SAMD12: variants seen among roughly 807,000 people sequenced by gnomAD.
The protein encoded by SAMD12 is sterile alpha motif domain-containing protein 12.
Under a neutral mutation model 15.0 loss-of-function variants are expected in SAMD12, and 9 were observed. The observed-to-expected ratio is 0.60, with a 90% CI of 0.36 to 1.05. The LOEUF is 1.05. Ranked by LOEUF, SAMD12 falls within the 50% of genes least tolerant of loss-of-function variation. The pLI is 0.01. For missense variants in SAMD12, 230 were observed against 234.2 expected (o/e 0.98, Z 0.12); for synonymous variants, 86 against 90.1 (o/e 0.96, Z 0.25).
At chr8:118,453,416 A>G (rs1823142012) in intron 2 of SAMD12, among the ~76,000 whole-genome samples, 4 of 152,340 alleles carry the variant, frequency 2.6e-5, no homozygotes, top group Middle Eastern at 3.4e-3. Context: ...CAGCCTTAAA[A>G]GTAAATAGAC....
intron 1 of SAMD12, among the ~76,000 whole-genome samples, chr8:118,604,702 A>T (rs567172306): frequency 2.6e-5 from 4 of 152,140 alleles, no homozygotes. Context: ...CGGGCGGATG[A>T]GGAGGTCAGG....
chr8:118,613,167 T>G (rs1249206177), intron 1 of SAMD12, among the ~76,000 whole-genome samples: 1 of 152,162 alleles, frequency 6.6e-6, no homozygotes, highest in South Asian at 2.1e-4. Context: ...CTTAAAGAAC[T>G]ACAATAGCTG....
intron 1 of SAMD12, among the ~76,000 whole-genome samples, chr8:118,610,492 AG>A (rs1828082220): frequency 6.6e-6 from 1 of 152,344 alleles, no homozygotes; most frequent in Admixed American, 6.5e-5. Flanking sequence ...CAGGAAAATT[AG>A]TTATCTTCTC....
intron 4 of SAMD12, among the ~76,000 whole-genome samples, chr8:118,353,014 A>G (rs1279501212): frequency 6.6e-6 from 1 of 152,138 alleles, no homozygotes; most frequent in African/African-American, 2.4e-5. Flanking sequence ...GAAAATAAAA[A>G]TCACGTTAAA....
At chr8:118,417,041 T>A (rs1465978022) in intron 3 of SAMD12, among the ~76,000 whole-genome samples, 1 of 152,066 alleles carries the variant, frequency 6.6e-6, no homozygotes, top group Non-Finnish European at 1.5e-5. Context: ...AGTGAACACA[T>A]GTGTTTGTGC....
At chr8:118,136,323 C>T in the SAMD12 span, among the ~76,000 whole-genome samples, 1 of 152,234 alleles carries the variant, frequency 6.6e-6, no homozygotes, top group South Asian at 2.1e-4. Flanking sequence ...AGCCACCATG[C>T]CTGGCCTATC....
chr8:118,413,568 A>G (rs182701633), intron 3 of SAMD12, among the ~76,000 whole-genome samples: 1 of 152,258 alleles, frequency 6.6e-6, no homozygotes, highest in East Asian at 1.9e-4. Context: ...AATTCATTTC[A>G]TATATAATTC....
chr8:118,525,407 C>T (rs550907800), intron 2 of SAMD12, among the ~76,000 whole-genome samples: 49 of 152,264 alleles, frequency 3.2e-4, no homozygotes, highest in African/African-American at 1.2e-3. Context: ...ACATTTACAT[C>T]TTTCTTCATT....
chr8:118,534,416 G>A (rs938648790), intron 2 of SAMD12, among the ~76,000 whole-genome samples: 1 of 151,960 alleles, frequency 6.6e-6, no homozygotes. Flanking sequence ...TGACAATTAT[G>A]TGTCTTGGAG....
downstream of SAMD12, among the ~76,000 whole-genome samples, chr8:118,184,460 T>C (rs1370080164): frequency 6.6e-6 from 1 of 151,452 alleles, no homozygotes; most frequent in Non-Finnish European, 1.5e-5. Context: ...ATTTAAGAGT[T>C]AGGCAGAAGA....
intron 4 of SAMD12, among the ~76,000 whole-genome samples, chr8:118,244,003 T>C (rs1812629854): frequency 6.6e-6 from 1 of 152,132 alleles, no homozygotes; most frequent in South Asian, 2.1e-4. Flanking sequence ...TGAAGCCGAG[T>C]TTTATATCTC....
At chr8:118,419,488 CTGAG>C (rs1444726491) in intron 3 of SAMD12, among the ~76,000 whole-genome samples, 1 of 152,150 alleles carries the variant, frequency 6.6e-6, no homozygotes, top group Non-Finnish European at 1.5e-5. Flanking sequence ...GAATAGTTAA[CTGAG>C]TATGTTCAGG....
At chr8:118,237,236 G>A (rs1812456734) in intron 4 of SAMD12, among the ~76,000 whole-genome samples, 1 of 152,096 alleles carries the variant, frequency 6.6e-6, no homozygotes, top group African/African-American at 2.4e-5. Context: ...TACTCTAGGT[G>A]TCCCTGTCTC....
rs989336287 is a variant in SAMD12 at position 118,580,740 on chromosome 8, A to G, written c.167T>C (p.Leu56Pro). The G allele has an allele frequency of 6.2e-7, 1 of 1,613,054 alleles. No homozygotes were observed. Among genetic ancestry groups the G allele is most frequent in the Non-Finnish European group, 8.5e-7 (1 of 1,179,298 alleles). Residue 56 changes from leucine (L) to proline (P), a missense_variant, in exon 2 of 4, where the codon CTG (leucine) becomes CCG (proline). By Grantham distance (98) the Leu-to-Pro change is moderately conservative. Coordinates refer to ENST00000314727, the MANE Select transcript of SAMD12 (RefSeq NM_207506.3). The stretch of plus-strand genomic sequence containing the variant: ...CTTAGCCGTCTCAGCTTCTGCCTGC[A>G]GTCGCTTGGGAGTTCCTTTCTGGTC... ...VPDQKGTPKR[L>P]QAEAETAKSA...
intron 4 of SAMD12, among the ~76,000 whole-genome samples, chr8:118,317,598 C>T (rs895869697): frequency 6.6e-6 from 1 of 152,086 alleles, no homozygotes; most frequent in Non-Finnish European, 1.5e-5. Flanking sequence ...TAGAATTTGG[C>T]ATTTATCTTT....
At chr8:118,380,100 C>T (rs1340169693) in intron 3 of SAMD12, among the ~76,000 whole-genome samples, 1 of 152,212 alleles carries the variant, frequency 6.6e-6, no homozygotes, top group Non-Finnish European at 1.5e-5. Flanking sequence ...TCACTGACAA[C>T]TCACTTACAA....
At chr8:118,384,924 C>T (rs1488422834) in intron 3 of SAMD12, among the ~76,000 whole-genome samples, 1 of 152,054 alleles carries the variant, frequency 6.6e-6, no homozygotes, top group Admixed American at 6.6e-5. Context: ...TTATTAGGTG[C>T]CCTCAGGGCT....
exon 5 of SAMD12, chr8:118,196,908 T>C (rs1055012777): frequency 1.3e-5 from 2 of 152,152 alleles, no homozygotes; most frequent in African/African-American, 4.8e-5. Flanking sequence ...CAAGCTAAGA[T>C]ATCACCATCA....
exon 5 of SAMD12, chr8:118,197,730 A>G (rs1819605397): frequency 6.2e-7 from 1 of 1,613,306 alleles, no homozygotes; most frequent in Admixed American, 1.7e-5. Flanking sequence ...CCCTCAGATG[A>G]TGCTGCAAGA....
Sources: allele counts gnomAD v4.1 joint callset (sites outside exome capture counted in the v4.1 genomes callset), GRCh38; gene constraint gnomAD v4.1.1; transcripts MANE v1.5; gene names NCBI Gene and HGNC (gene_info 2026-07-23, HGNC 2026-07-21).